The following ST6GALNAC3 variants were observed in gnomAD, a reference collection of about 807,000 sequenced individuals.
ST6GALNAC3 encodes the protein ST6 N-acetylgalactosaminide alpha-2,6-sialyltransferase 3.
ST6GALNAC3 carries 25 observed loss-of-function variants against 32.7 expected under a neutral mutation model. The ratio of observed to expected loss-of-function variants is 0.76; its 90% confidence interval spans 0.56 to 1.07. The LOEUF (loss-of-function observed/expected upper bound fraction) is 1.07. ST6GALNAC3 is among the 50% of genes least tolerant of loss of function. The pLI is 0.00. For missense variants in ST6GALNAC3, 355 were observed against 382.4 expected, an observed-to-expected ratio of 0.93 and a Z score of 0.60; for synonymous variants, 129 against 133.1, an observed-to-expected ratio of 0.97 and a Z score of 0.21.
At chr1:76,377,526 T>C (rs906451505) in intron 2 of ST6GALNAC3, among the ~76,000 whole-genome samples, 2 of 152,056 alleles carry the variant, frequency 1.3e-5, no homozygotes, top group Admixed American at 1.3e-4. Flanking sequence ...GTGAGAACTG[T>C]ACCATGAGAA....
chr1:76,154,717 T>C (rs562982071), intron 1 of ST6GALNAC3, among the ~76,000 whole-genome samples: 1 of 152,234 alleles, frequency 6.6e-6, no homozygotes, highest in East Asian at 1.9e-4. Context: ...CTTGCTTATT[T>C]TGGGGAGAGC....
At chr1:76,351,784 G>T (rs1648997004) in intron 2 of ST6GALNAC3, among the ~76,000 whole-genome samples, 1 of 152,110 alleles carries the variant, frequency 6.6e-6, no homozygotes, top group Admixed American at 6.5e-5. Context: ...AAATACATCA[G>T]TTGGGTAATA....
At chr1:76,562,683 A>G (rs1054062780) in intron 3 of ST6GALNAC3, among the ~76,000 whole-genome samples, 3 of 152,174 alleles carry the variant, frequency 2.0e-5, no homozygotes, top group South Asian at 2.1e-4. Flanking sequence ...ACATCTACCC[A>G]TTGTCTTTCA....
chr1:76,138,017 A>G (rs944505585), intron 1 of ST6GALNAC3, among the ~76,000 whole-genome samples: 1 of 152,204 alleles, frequency 6.6e-6, no homozygotes, highest in African/African-American at 2.4e-5. Context: ...CTCTATATTC[A>G]GCCACACATT....
At chr1:76,557,166 T>A (rs940636902) in intron 3 of ST6GALNAC3, among the ~76,000 whole-genome samples, 13 of 152,006 alleles carry the variant, frequency 8.6e-5, no homozygotes, top group African/African-American at 3.1e-4. Flanking sequence ...GTCTTAGCAC[T>A]CTCATAAAAA....
At chr1:76,542,131 T>C (rs989398189) in intron 3 of ST6GALNAC3, among the ~76,000 whole-genome samples, 12 of 152,128 alleles carry the variant, frequency 7.9e-5, no homozygotes, top group Admixed American at 1.3e-4. Context: ...CCCACAGAAG[T>C]TTCTTAGACT....
chr1:76,316,198 C>G (rs1426422259), intron 2 of ST6GALNAC3, among the ~76,000 whole-genome samples: 2 of 151,994 alleles, frequency 1.3e-5, no homozygotes, highest in Admixed American at 6.6e-5. Flanking sequence ...AATTGTAATA[C>G]CCACTTTGGA....
At chr1:76,138,897 A>C (rs1050035266) in intron 1 of ST6GALNAC3, among the ~76,000 whole-genome samples, 16 of 152,138 alleles carry the variant, frequency 1.1e-4, no homozygotes, top group African/African-American at 3.6e-4. Flanking sequence ...GAGGAGTTTA[A>C]AAAAATCTAT....
intron 1 of ST6GALNAC3, among the ~76,000 whole-genome samples, chr1:76,160,889 A>G (rs1244855962): frequency 2.9e-5 from 3 of 101,946 alleles, no homozygotes; most frequent in East Asian, 1.7e-3. Context: ...CTATACTTCA[A>G]ATATCTTCTT....
intron 2 of ST6GALNAC3, among the ~76,000 whole-genome samples, chr1:76,319,150 T>C (rs1646921540): frequency 6.6e-6 from 1 of 152,164 alleles, no homozygotes; most frequent in Non-Finnish European, 1.5e-5. Context: ...TCCTTAGACC[T>C]GATAGGATCT....
rs1234626046 is a variant in ST6GALNAC3 at position 76,494,038 on chromosome 1, T to C, written c.623+81621T>C. Among the ~76,000 whole-genome samples, 3 of 152,164 alleles carry C rather than the reference T, an allele frequency of 2.0e-5. No homozygotes were observed. The East Asian group carries it at 5.8e-4, about 29-fold the overall frequency. On this transcript the variant is annotated intron_variant, in intron 3 of 4. Transcript: ENST00000328299. ...TCAATTTCTACAACTCTATGAAGTT[T>C]TTCACATAGTAGAATATATTGTCAA...
chr1:76,425,026 G>A (rs955354861), intron 3 of ST6GALNAC3, among the ~76,000 whole-genome samples: 38 of 152,046 alleles, frequency 2.5e-4, no homozygotes, highest in Middle Eastern at 3.4e-3. Context: ...AATACACATC[G>A]TTTTATGATT....
intron 1 of ST6GALNAC3, among the ~76,000 whole-genome samples, chr1:76,159,350 T>G (rs1651670779): frequency 6.6e-6 from 1 of 152,090 alleles, no homozygotes; most frequent in South Asian, 2.1e-4. Context: ...CACTGGCTAA[T>G]TTTTTGTATT....
intron 1 of ST6GALNAC3, among the ~76,000 whole-genome samples, chr1:76,281,176 T>TC (rs1659479551): frequency 1.3e-5 from 2 of 152,350 alleles, no homozygotes; most frequent in Admixed American, 1.3e-4. Flanking sequence ...CAAGCTTTTT[T>TC]CTCCTTTAAC....
intron 1 of ST6GALNAC3, among the ~76,000 whole-genome samples, chr1:76,278,762 G>A (rs1659329297): frequency 6.6e-6 from 1 of 152,056 alleles, no homozygotes; most frequent in Non-Finnish European, 1.5e-5. Context: ...GGTGTTATTT[G>A]TCCTATTTTC....
At chr1:76,527,913 C>T (rs1221114964) in intron 3 of ST6GALNAC3, among the ~76,000 whole-genome samples, 1 of 152,058 alleles carries the variant, frequency 6.6e-6, no homozygotes, top group Non-Finnish European at 1.5e-5. Context: ...AAAATACAGG[C>T]TCATCATAAA....
intron 3 of ST6GALNAC3, among the ~76,000 whole-genome samples, chr1:76,557,347 C>G (rs1664989399): frequency 1.3e-5 from 2 of 152,164 alleles, no homozygotes; most frequent in South Asian, 4.1e-4. Flanking sequence ...AGGATTGCTT[C>G]TGGCTATGCT....
At chr1:76,136,096 A>G (rs1253446658) in intron 1 of ST6GALNAC3, among the ~76,000 whole-genome samples, 2 of 152,048 alleles carry the variant, frequency 1.3e-5, no homozygotes, top group Non-Finnish European at 2.9e-5. Flanking sequence ...TCACAGCAGA[A>G]TTCTTAACAC....
At chr1:76,522,223 A>T (rs1662586848) in intron 3 of ST6GALNAC3, among the ~76,000 whole-genome samples, 1 of 151,558 alleles carries the variant, frequency 6.6e-6, no homozygotes, top group Non-Finnish European at 1.5e-5. Context: ...GATTTATTTT[A>T]CTTCTGTATT....
Sources: allele counts gnomAD v4.1 joint callset (sites outside exome capture counted in the v4.1 genomes callset), GRCh38; gene constraint gnomAD v4.1.1; transcripts MANE v1.5; gene names NCBI Gene and HGNC (gene_info 2026-07-23, HGNC 2026-07-21).